Variants in PPP1R13B observed in about 807,000 individuals in gnomAD.
The protein encoded by PPP1R13B is apoptosis-stimulating of p53 protein 1.
Under a neutral mutation model 119.8 loss-of-function variants are expected in PPP1R13B, and 44 were observed. That is an observed-to-expected ratio of 0.37 (90% CI 0.29 to 0.47). The LOEUF is 0.47. PPP1R13B is among the 20% of genes least tolerant of loss of function. The pLI is 0.99. For synonymous variants in PPP1R13B, 542 were observed against 561.5 expected (o/e 0.97, Z 0.49); for missense variants, 1,227 against 1,413.5 (o/e 0.87, Z 2.12).
At chr14:103,774,372 C>A (rs2085134911) in intron 4 of PPP1R13B, among the ~76,000 whole-genome samples, 1 of 152,196 alleles carries the variant, frequency 6.6e-6, no homozygotes, top group Admixed American at 6.6e-5. Flanking sequence ...TGAATCCTTT[C>A]ACTGTAGCAA....
At chr14:103,759,586 G>A (rs1410371845) in intron 4 of PPP1R13B, among the ~76,000 whole-genome samples, 1 of 151,930 alleles carries the variant, frequency 6.6e-6, no homozygotes, top group Non-Finnish European at 1.5e-5. Context: ...GATTACAGGT[G>A]TAAGCCACTG....
Position 103,831,293 on chromosome 14 carries a change from T to A in PPP1R13B, c.9+16006A>T, listed in dbSNP as rs189097512. 2.1e-3 allele frequency among the ~76,000 whole-genome samples: 314 copies of A among 150,390 alleles called. 2 individuals carry two copies. The highest frequency in any genetic ancestry group is 6.7e-3 in the African/African-American group (277 of 41,112). On this transcript the variant is annotated intron_variant, in intron 1 of 16. Coordinates refer to ENST00000202556, the MANE Select transcript of PPP1R13B (RefSeq NM_015316.3). ...GTTAAATAAAATATATTAAAATTAA[T>A]TTCAACTTCATTCTTTTACTTTTTT...
At chr14:103,830,203 C>A (rs751619431) in intron 1 of PPP1R13B, among the ~76,000 whole-genome samples, 1 of 152,162 alleles carries the variant, frequency 6.6e-6, no homozygotes, top group Non-Finnish European at 1.5e-5. Flanking sequence ...TCAACTGATT[C>A]TCTTGCCTTA....
chr14:103,734,425 C>A lies in PPP1R13B; in HGVS notation c.*729G>T, dbSNP rs1380540038. 2.3e-6 allele frequency: 1 copy of A among 432,774 alleles called. No individual in the cohort carries two copies. The highest frequency in any genetic ancestry group is 4.7e-6 in the Non-Finnish European group (1 of 213,866). The allele number at this position is 432,774 out of a possible 1,614,324, so 26.8% of individuals were successfully genotyped here. A position where few individuals can be genotyped will look rare whatever the true frequency, so the allele number is the denominator to read the frequency against. ...CAGGGGTGAGAACCACACTGAGCAG[C>A]ATGACAGGCTGTGAGATCGGAGGAG... On this transcript the variant is annotated 3_prime_UTR_variant, in exon 17 of 17. Coordinates refer to ENST00000202556, the MANE Select transcript of PPP1R13B (RefSeq NM_015316.3).
In PPP1R13B at chr14:103,739,948, T is replaced by C. The variant is rs761999092; in HGVS notation, c.2468A>G (p.Asn823Ser). 5.0e-6 allele frequency: 8 copies of C among 1,613,738 alleles called. No individual in the cohort carries two copies. Among genetic ancestry groups the C allele is most frequent in the South Asian group, 1.1e-5 (1 of 91,062 alleles). Residue 823 changes from asparagine (N) to serine (S), a missense_variant, in exon 12 of 17, where the codon AAC becomes AGC. Transcript: ENST00000202556. ...CTCCGTGGTGGGGACCGTGGCCACG[T>C]TGTTGTTATTGTCCTCTGCCGGCTC... ...TAEPAEDNNN[N>S]VATVPTTEQI... is the part of the protein sequence containing the mutation.
chr14:103,752,915 AC>A, intron 7 of PPP1R13B, 84 bp downstream of exon 7: 1 of 1,412,698 alleles, frequency 7.1e-7, no homozygotes, highest in Admixed American at 2.2e-5. Context: ...ATTTGTTTCC[AC>A]TTCCTAAGGT....
At position 103,762,057 on chromosome 14, in the gene PPP1R13B, CTT is replaced by C. The variant is rs959052933; in HGVS notation, c.355-4308_355-4307del. Among the ~76,000 whole-genome samples the C allele has an allele frequency of 1.7e-4, 26 of 152,312 alleles. 1 individual carries two copies. Among genetic ancestry groups the C allele is most frequent in the South Asian group, 1.0e-3 (5 of 4,830 alleles). On this transcript the variant is annotated intron_variant, in intron 4 of 16. Coordinates refer to ENST00000202556, the MANE Select transcript of PPP1R13B (RefSeq NM_015316.3). ...GGCTCTACCTGCTCTGAAGTGCTCT[CTT>C]GTTTAGCTTTTGTGACCCTGAAGTG...
At chr14:103,815,418 T>C (rs771470482) in intron 1 of PPP1R13B, among the ~76,000 whole-genome samples, 3 of 152,174 alleles carry the variant, frequency 2.0e-5, no homozygotes, top group African/African-American at 4.8e-5. Flanking sequence ...AAAAAATGAA[T>C]GTTATTGTAT....
chr14:103,785,901 C>T (rs2085451906), intron 2 of PPP1R13B, among the ~76,000 whole-genome samples: 1 of 152,162 alleles, frequency 6.6e-6, no homozygotes, highest in South Asian at 2.1e-4. Flanking sequence ...GGTACGAAGG[C>T]TGGACAGGGC....
rs201608949 is a variant in PPP1R13B at position 103,740,056 on chromosome 14, G to A, written c.2360C>T (p.Pro787Leu). 151 of 1,613,886 alleles carry A rather than the reference G, an allele frequency of 9.4e-5. No individual in the cohort carries two copies. Among genetic ancestry groups the A allele is most frequent in the Non-Finnish European group, 1.2e-4 (137 of 1,179,978 alleles). ...PTAPLPAEPAPSSDANDNELP... is the reference protein window; with the variant it reads ...PTAPLPAEPALSSDANDNELP... ...CTCATTATCATTGGCATCTGATGAC[G>A]GGGCAGGCTCAGCGGGGAGTGGGGC... The change falls in exon 12 of 17, where the codon CCG (proline) becomes CTG (leucine). Residue 787 changes from proline to leucine, a missense_variant. Physicochemically the swap from Pro to Leu is moderately conservative, Grantham distance 98. Transcript: ENST00000202556. The surrounding 1 kb of genome is among the most constrained non-coding windows in gnomAD (Gnocchi z 4.6).
Position 103,740,355 on chromosome 14 carries a change from A to G in PPP1R13B, c.2061T>C (p.Ser687=). 2 of 1,563,264 alleles carry G rather than the reference A, an allele frequency of 1.3e-6. No homozygotes were observed. Among genetic ancestry groups the G allele is most frequent in the Non-Finnish European group, 1.7e-6 (2 of 1,153,548 alleles). The change falls in exon 12 of 17, where the codon AGT becomes AGC. Residue 687 remains serine, a synonymous_variant. Transcript: ENST00000202556. This position sits in a 1 kb window ranked among gnomAD's most constrained non-coding sequence, Gnocchi z 4.6. The part of the protein sequence containing the change: ...PIVHSPLRYQ[S]DADLEALRRK... ...TGCGGAGGGCCTCCAGGTCTGCATC[A>G]CTCTGGTAGCGCAGTGGCGAATGCA...
chr14:103,823,087 C>A (rs1250354047), intron 1 of PPP1R13B, among the ~76,000 whole-genome samples: 1 of 151,940 alleles, frequency 6.6e-6, no homozygotes, highest in Non-Finnish European at 1.5e-5. Context: ...AGCTGTAATC[C>A]CAGCACTTTG....
At chr14:103,802,971 C>T (rs1430804648) in intron 1 of PPP1R13B, among the ~76,000 whole-genome samples, 2 of 152,114 alleles carry the variant, frequency 1.3e-5, no homozygotes, top group Non-Finnish European at 2.9e-5. Flanking sequence ...TCATTATAAT[C>T]ATGGCAGACT....
chr14:103,741,676 T>TA, intron 11 of PPP1R13B, 114 bp downstream of exon 11: 1 of 1,321,774 alleles, frequency 7.6e-7, no homozygotes, highest in South Asian at 1.5e-5. Context: ...ATGTAAGAAT[T>TA]AAGTTTAATC....
At position 103,753,036 on chromosome 14, in the gene PPP1R13B, C is replaced by T. The variant is rs368023622; in HGVS notation, c.792G>A (p.Ala264=). 8.1e-6 allele frequency: 13 copies of T among 1,614,172 alleles called. No individual in the cohort carries two copies. The highest frequency in any genetic ancestry group is 1.7e-4 in the Middle Eastern group (1 of 6,060). ...GGTACAGTCTTTTTAACTCCACCGCCGCTGGTCCCGTCAATTTGCCATTGT... is the reference window on the plus strand; with the variant it reads ...GGTACAGTCTTTTTAACTCCACCGCTGCTGGTCCCGTCAATTTGCCATTGT... ...QSYNGKLTGP[A]AVELKRLYQE... Residue 264 remains alanine, a synonymous_variant, in exon 7 of 17, where the codon GCG becomes GCA. Coordinates refer to ENST00000202556, the MANE Select transcript of PPP1R13B (RefSeq NM_015316.3).
intron 1 of PPP1R13B, among the ~76,000 whole-genome samples, chr14:103,839,294 GAGCCACAGCACCC>G (rs1424704537): frequency 6.6e-6 from 1 of 151,958 alleles, no homozygotes; most frequent in Non-Finnish European, 1.5e-5. Flanking sequence ...TTACAGGCGT[GAGCCACAGCACCC>G]AGCCCACTGT....
chr14:103,798,902 C>G (rs768533892), intron 1 of PPP1R13B, among the ~76,000 whole-genome samples: 2 of 152,054 alleles, frequency 1.3e-5, no homozygotes, highest in Non-Finnish European at 2.9e-5. Flanking sequence ...GCTGCCCAGG[C>G]TGGTCTCAAA....
Position 103,813,119 on chromosome 14 carries a change from T to C in PPP1R13B, c.10-15601A>G, listed in dbSNP as rs1052871958. 3.9e-5 allele frequency among the ~76,000 whole-genome samples: 6 copies of C among 152,212 alleles called. 1 individual carries two copies. Among genetic ancestry groups the C allele is most frequent in the Admixed American group, 3.9e-4 (6 of 15,274 alleles). The stretch of plus-strand genomic sequence containing the variant: ...TGCATGTGAATGTTTATGGCAGCTT[T>C]GTTCATAATTGCCAAAACTTGGAAG... On this transcript the variant is annotated intron_variant, in intron 1 of 16. Transcript: ENST00000202556.
intron 4 of PPP1R13B, chr14:103,762,713 T>C: frequency 1.6e-6 from 1 of 627,442 alleles, no homozygotes; most frequent in Non-Finnish European, 2.9e-6. Context: ...AGTCCCTGGG[T>C]GTCGGCGGTG....
Sources: gnomAD v4.1 joint callset for allele counts (sites outside exome capture counted in the v4.1 genomes callset) on GRCh38, gnomAD v4.1.1 for gene constraint, Gnocchi (gnomAD v3.1) non-coding constraint, MANE v1.5 for transcripts, NCBI Gene and HGNC (gene_info 2026-07-23, HGNC 2026-07-21) for gene names.